TP63: variants seen among roughly 807,000 people sequenced by gnomAD.
TP63 encodes tumor protein p63.
TP63 carries 17 observed loss-of-function variants against 82.8 expected under a neutral mutation model. The observed-to-expected ratio is 0.21, with a 90% CI of 0.14 to 0.31. The LOEUF (loss-of-function observed/expected upper bound fraction) is 0.31. Ranked by LOEUF, TP63 falls within the 10% of genes least tolerant of loss-of-function variation. The probability of loss-of-function intolerance (pLI) is 1.00; values close to 1 mark genes in which losing one functional copy is unlikely to be tolerated. For missense variants in TP63, 648 were observed against 895.3 expected, an observed-to-expected ratio of 0.72 and a Z score of 3.52; for synonymous variants, 330 against 321.7, an observed-to-expected ratio of 1.03 and a Z score of -0.28.
the TP63 span, among the ~76,000 whole-genome samples, chr3:189,613,333 G>A: frequency 1.3e-5 from 2 of 151,774 alleles, no homozygotes; most frequent in South Asian, 2.1e-4. Flanking sequence ...TGTGGCTTCA[G>A]AGGATGGAAG....
At chr3:189,873,432 G>T in intron 10 of TP63, 1 of 241,114 alleles carries the variant, frequency 4.1e-6, no homozygotes, top group Non-Finnish European at 8.2e-6. Context: ...ACCAGGGATA[G>T]CAAATAGGCT....
chr3:189,618,959 G>A, the TP63 span, among the ~76,000 whole-genome samples: 16 of 152,098 alleles, frequency 1.1e-4, no homozygotes, highest in African/African-American at 2.9e-4. Context: ...ATGCACGGTG[G>A]TTCTTAACAG....
chr3:189,636,780 C>T (rs909157055), intron 1 of TP63, among the ~76,000 whole-genome samples: 6 of 151,976 alleles, frequency 3.9e-5, no homozygotes, highest in Non-Finnish European at 5.9e-5. Context: ...AGTGGTAGTA[C>T]GTTAAATCAA....
the TP63 span, among the ~76,000 whole-genome samples, chr3:189,622,896 G>A: frequency 1.3e-5 from 2 of 152,208 alleles, no homozygotes; most frequent in African/African-American, 4.8e-5. Flanking sequence ...CTGTGAAAGT[G>A]TTCTGTACGA....
chr3:189,652,113 A>G (rs1027130586), intron 1 of TP63, among the ~76,000 whole-genome samples: 2 of 146,428 alleles, frequency 1.4e-5, no homozygotes, highest in African/African-American at 2.6e-5. Flanking sequence ...GCCACTGCCT[A>G]GTGGAGCTGT....
At chr3:189,864,696 A>G (rs1717478946) in intron 5 of TP63, among the ~76,000 whole-genome samples, 1 of 150,926 alleles carries the variant, frequency 6.6e-6, no homozygotes. Context: ...CCTTCTTTTT[A>G]TTTTTCTTGC....
chr3:189,885,376 A>G (rs1359439096), intron 10 of TP63, among the ~76,000 whole-genome samples: 2 of 152,190 alleles, frequency 1.3e-5, no homozygotes, highest in South Asian at 2.1e-4. Context: ...CCATGCCTTA[A>G]GTTTTATTAA....
intron 4 of TP63, among the ~76,000 whole-genome samples, chr3:189,831,658 GT>G (rs1240925428): frequency 6.6e-6 from 1 of 151,126 alleles, no homozygotes; most frequent in African/African-American, 2.4e-5. Context: ...ATTCTGCACC[GT>G]TTGAGCTCCT....
At position 189,866,931 on chromosome 3, in the gene TP63, T is replaced by C. The variant is rs1459108724; in HGVS notation, c.882+134T>C. 9.1e-6 allele frequency: 7 copies of C among 768,922 alleles called. 1 individual carries two copies. In the Admixed American group the frequency reaches 1.6e-4, roughly 17 times the overall value. 47.6% of individuals were successfully genotyped at this position (768,922 alleles called of 1,614,324 possible). On this transcript the variant is annotated intron_variant, in intron 6 of 13. Transcript: ENST00000264731. ...AGTTCTTGTCATCAAATATATAATA[T>C]TTTTGTATTTTTTTCTACCTGTTCT...
intron 4 of TP63, among the ~76,000 whole-genome samples, chr3:189,839,040 T>TAAAAAAAAAAAAA (rs5855274): frequency 7.1e-4 from 63 of 88,542 alleles, no homozygotes; most frequent in African/African-American, 1.7e-3. Flanking sequence ...TATCCTAAGC[T>TAAAAAAAAAAAAA]AAAAAAAAAA....
At chr3:189,602,193 T>C in the TP63 span, among the ~76,000 whole-genome samples, 2 of 152,082 alleles carry the variant, frequency 1.3e-5, no homozygotes, top group South Asian at 2.1e-4. Context: ...ATACTTGAAG[T>C]GATAGTGCTG....
intron 3 of TP63, among the ~76,000 whole-genome samples, chr3:189,775,355 T>C (rs942263295): frequency 1.3e-5 from 2 of 152,118 alleles, no homozygotes; most frequent in Non-Finnish European, 2.9e-5. Flanking sequence ...CTGCCTCAAG[T>C]CAGTCTTATT....
At chr3:189,818,635 A>T (rs1012781806) in intron 4 of TP63, among the ~76,000 whole-genome samples, 4 of 152,110 alleles carry the variant, frequency 2.6e-5, no homozygotes, top group African/African-American at 9.7e-5. Flanking sequence ...AATGATGCTT[A>T]AAAAAATTCT....
At chr3:189,866,656 C>T (rs1020180670) in intron 5 of TP63, 26 bp from the exon 6 acceptor site, 1 of 1,596,550 alleles carries the variant, frequency 6.3e-7, no homozygotes, top group Non-Finnish European at 8.6e-7. Flanking sequence ...AAAGAACTAA[C>T]TCTTTTATTG....
At position 189,897,183 on chromosome 3, in the gene TP63, G is replaced by A. The variant is rs896680808; in HGVS notation, c.*2681G>A. The stretch of plus-strand genomic sequence containing the variant: ...TTGTCTTCTGGTACTTTCTGTTATG[G>A]GCTTTTGGGGAGCCAGAAGCCAATC... On this transcript the variant is annotated 3_prime_UTR_variant, in exon 14 of 14. Transcript: ENST00000264731. 1 of 217,728 alleles carries A rather than the reference G, an allele frequency of 4.6e-6. No homozygotes were observed. 13.5% of individuals were successfully genotyped at this position (217,728 alleles called of 1,614,324 possible).
chr3:189,678,761 A>G (rs1715660912), intron 1 of TP63, among the ~76,000 whole-genome samples: 1 of 151,900 alleles, frequency 6.6e-6, no homozygotes, highest in Non-Finnish European at 1.5e-5. Context: ...AAACACAAAC[A>G]TTTCATTAAA....
chr3:189,867,692 A>G (rs979088047), intron 6 of TP63, 141 bp from the exon 7 acceptor site: 1 of 779,438 alleles, frequency 1.3e-6, no homozygotes, highest in Non-Finnish European at 2.2e-6. Flanking sequence ...AAAATCTACA[A>G]CAGGGTTCAG....
intron 1 of TP63, among the ~76,000 whole-genome samples, chr3:189,679,101 G>T (rs1715693585): frequency 2.0e-5 from 3 of 151,988 alleles, no homozygotes; most frequent in Non-Finnish European, 4.4e-5. Context: ...GAACATGGGG[G>T]TGCAGATAGC....
At chr3:189,861,429 G>A (rs554450581) in intron 4 of TP63, among the ~76,000 whole-genome samples, 4 of 152,094 alleles carry the variant, frequency 2.6e-5, no homozygotes, top group African/African-American at 9.6e-5. Context: ...AAATGTGTGT[G>A]GGTGGGGGTG....
Sources: allele counts gnomAD v4.1 joint callset (sites outside exome capture counted in the v4.1 genomes callset), GRCh38; gene constraint gnomAD v4.1.1; transcripts MANE v1.5; gene names NCBI Gene and HGNC (gene_info 2026-07-23, HGNC 2026-07-21).